DLGAP2: variants seen among roughly 807,000 people sequenced by gnomAD.
DLGAP2 encodes DLG associated protein 2.
DLGAP2 carries 26 observed loss-of-function variants against 100.3 expected under a neutral mutation model. The ratio of observed to expected loss-of-function variants is 0.26; its 90% confidence interval spans 0.19 to 0.36. DLGAP2 has a LOEUF of 0.36. Ranked by LOEUF, DLGAP2 falls within the 10% of genes least tolerant of loss-of-function variation. The pLI, the probability that DLGAP2 is intolerant of heterozygous loss-of-function variation, is 1.00. For synonymous variants in DLGAP2, 886 were observed against 630.1 expected (o/e 1.41, Z -6.08); for missense variants, 1,858 against 1,453.2 (o/e 1.28, Z -4.53).
At chr8:1,013,008 C>G (rs1211308517) in intron 2 of DLGAP2, among the ~76,000 whole-genome samples, 4 of 152,174 alleles carry the variant, frequency 2.6e-5, no homozygotes, top group South Asian at 2.1e-4. Context: ...AGACTGTGGA[C>G]TAGGAAGGTG....
intron 3 of DLGAP2, among the ~76,000 whole-genome samples, chr8:1,443,850 C>T (rs931405338): frequency 7.2e-5 from 11 of 152,134 alleles, no homozygotes; most frequent in Non-Finnish European, 7.3e-5. Context: ...ACAGCCAAAC[C>T]ATGTCTCATG....
At chr8:965,518 C>G (rs1196900215) in intron 2 of DLGAP2, among the ~76,000 whole-genome samples, 7 of 136,614 alleles carry the variant, frequency 5.1e-5, no homozygotes, top group African/African-American at 2.0e-4. Flanking sequence ...AGTCTGACCC[C>G]TGCGCTGCAC....
At chr8:1,564,268 T>C (rs2906583) in intron 5 of DLGAP2, among the ~76,000 whole-genome samples, 68,506 of 151,844 alleles carry the variant, frequency 0.45, 15,612 homozygotes, top group Middle Eastern at 0.59. Context: ...GCTCCCGCAA[T>C]GGAAACCATT....
intron 3 of DLGAP2, among the ~76,000 whole-genome samples, chr8:1,343,768 C>T (rs933499225): frequency 2.6e-5 from 4 of 151,650 alleles, no homozygotes; most frequent in African/African-American, 4.8e-5. Flanking sequence ...CTCCAAGAGG[C>T]GGGGGCAGTG....
At chr8:839,694 C>G (rs1311102775) in intron 1 of DLGAP2, among the ~76,000 whole-genome samples, 1 of 152,172 alleles carries the variant, frequency 6.6e-6, no homozygotes, top group Non-Finnish European at 1.5e-5. Context: ...GGTCAGCACC[C>G]TTGCTCCCAC....
At chr8:1,341,501 T>C (rs1301804691) in intron 3 of DLGAP2, among the ~76,000 whole-genome samples, 1 of 152,220 alleles carries the variant, frequency 6.6e-6, no homozygotes, top group East Asian at 1.9e-4. Context: ...TCAGCAGTTC[T>C]GCCTACAGTA....
intron 8 of DLGAP2, among the ~76,000 whole-genome samples, chr8:1,664,499 G>A (rs868114049): frequency 6.6e-6 from 1 of 152,172 alleles, no homozygotes; most frequent in Non-Finnish European, 1.5e-5. Context: ...CAGGCTCTTA[G>A]GCTCTAGATA....
intron 3 of DLGAP2, among the ~76,000 whole-genome samples, chr8:1,267,565 A>AATTAAT (rs1554429905): frequency 4.1e-5 from 2 of 49,042 alleles, no homozygotes; most frequent in African/African-American, 2.0e-4. Context: ...GCTCAAAATA[A>AATTAAT]AATAAAATAA....
intron 2 of DLGAP2, chr8:1,002,599 AC>A (rs1366382290): frequency 2.0e-5 from 3 of 152,202 alleles, no homozygotes; most frequent in Non-Finnish European, 4.4e-5. Flanking sequence ...AGCAGAATCT[AC>A]CCAGCTGGAC....
At chr8:1,606,379 A>G (rs182360285) in intron 6 of DLGAP2, among the ~76,000 whole-genome samples, 25 of 152,256 alleles carry the variant, frequency 1.6e-4, no homozygotes, top group African/African-American at 6.0e-4. Flanking sequence ...ACTTTACACC[A>G]AAAAGAAACC....
intron 2 of DLGAP2, among the ~76,000 whole-genome samples, chr8:1,084,769 C>T (rs999244853): frequency 1.3e-4 from 20 of 152,180 alleles, no homozygotes; most frequent in African/African-American, 3.6e-4. Flanking sequence ...TTCCTTTATT[C>T]GTTGCTCCCT....
intron 1 of DLGAP2, among the ~76,000 whole-genome samples, chr8:904,150 G>A (rs898139409): frequency 6.6e-6 from 1 of 152,242 alleles, no homozygotes; most frequent in Admixed American, 6.5e-5. Context: ...GCCACACGTA[G>A]CCTGTGAGCA....
chr8:878,916 AC>A (rs1320189077), intron 1 of DLGAP2, among the ~76,000 whole-genome samples: 3 of 152,074 alleles, frequency 2.0e-5, no homozygotes, highest in Non-Finnish European at 4.4e-5. Context: ...TTTGCAGATT[AC>A]CCTGCCTCAG....
chr8:1,391,195 C>CGT (rs1563122496), intron 3 of DLGAP2, among the ~76,000 whole-genome samples: 2 of 151,380 alleles, frequency 1.3e-5, no homozygotes, highest in African/African-American at 4.9e-5. Context: ...CTCAGAAGTT[C>CGT]CCATGGGGAC....
At chr8:1,228,215 C>T (rs1469511155) in intron 2 of DLGAP2, among the ~76,000 whole-genome samples, 1 of 151,448 alleles carries the variant, frequency 6.6e-6, no homozygotes, top group African/African-American at 2.4e-5. Context: ...TACCCTAGAA[C>T]TTAAAGTATA....
At chr8:1,291,540 T>C (rs1800060253) in intron 3 of DLGAP2, among the ~76,000 whole-genome samples, 1 of 152,160 alleles carries the variant, frequency 6.6e-6, no homozygotes, top group African/African-American at 2.4e-5. Flanking sequence ...GGTTTTGTGG[T>C]ATATTCGAAG....
chr8:1,064,766 C>A (rs2600485), intron 2 of DLGAP2, among the ~76,000 whole-genome samples: 3,558 of 152,328 alleles, frequency 0.023, 125 homozygotes, highest in African/African-American at 0.081. Context: ...TATTTCCTCT[C>A]TCCTTTTATC....
intron 1 of DLGAP2, among the ~76,000 whole-genome samples, chr8:758,738 T>G (rs931700550): frequency 6.6e-6 from 1 of 152,070 alleles, no homozygotes; most frequent in Non-Finnish European, 1.5e-5. Flanking sequence ...ATTTTTGTAT[T>G]TTTTGTAGAA....
At chr8:1,298,874 A>G (rs1003887089) in intron 3 of DLGAP2, among the ~76,000 whole-genome samples, 11 of 152,294 alleles carry the variant, frequency 7.2e-5, no homozygotes, top group African/African-American at 1.4e-4. Flanking sequence ...TCCCATGGGC[A>G]ATAACACAGG....
Sources: allele counts gnomAD v4.1 joint callset (sites outside exome capture counted in the v4.1 genomes callset), GRCh38; gene constraint gnomAD v4.1.1; transcripts MANE v1.5; gene names NCBI Gene and HGNC (gene_info 2026-07-23, HGNC 2026-07-21).